Variants in ITM2A observed in about 807,000 individuals in gnomAD.
The protein encoded by ITM2A is BRICHOS domain containing 2A.
In ITM2A, 11 loss-of-function variants were observed where a neutral mutation model predicts 16.6. That is an observed-to-expected ratio of 0.66 (90% CI 0.42 to 1.10). The LOEUF (loss-of-function observed/expected upper bound fraction) is 1.10, where lower values mean the gene tolerates loss of function less well. ITM2A is among the 50% of genes least tolerant of loss of function. The pLI is 0.00. For synonymous variants in ITM2A, 102 were observed against 71.2 expected, an observed-to-expected ratio of 1.43 and a Z score of -2.18; for missense variants, 243 against 206.8, an observed-to-expected ratio of 1.17 and a Z score of -1.07.
Position 79,360,935 on chromosome X carries a change from A to T in ITM2A, c.*154T>A. The T allele has an allele frequency of 3.7e-6, 1 of 267,541 alleles. No individual in the cohort carries two copies. Among genetic ancestry groups the T allele is most frequent in the Non-Finnish European group, 6.2e-6 (1 of 161,769 alleles). 22.0% of individuals were successfully genotyped at this position (267,541 alleles called of 1,213,427 possible). A position where few individuals can be genotyped will look rare whatever the true frequency, so the allele number is the denominator to read the frequency against. On this transcript the variant is annotated 3_prime_UTR_variant, in exon 6 of 6. Transcript: ENST00000373298. Reference sequence around the variant, plus strand: ...AAACTAAAATTTGACAAGAGCTTGCAGTGGTTAGTAGTTTTTTTTTTTCCT... The same window carrying T: ...AAACTAAAATTTGACAAGAGCTTGCTGTGGTTAGTAGTTTTTTTTTTTCCT...
intron 1 of ITM2A, 147 bp downstream of exon 1, chrX:79,366,958 G>A (rs981596370): frequency 6.9e-6 from 3 of 434,716 alleles, no homozygotes; most frequent in African/African-American, 5.0e-5. Context: ...GGTGCCGCAA[G>A]GAGACAGAAC....
chrX:79,363,777 A>G (rs901334912), intron 1 of ITM2A, among the ~76,000 whole-genome samples: 1 of 112,002 alleles, frequency 8.9e-6, no homozygotes, highest in African/African-American at 3.2e-5. Context: ...TCTAAACCCA[A>G]ATATCGATAT....
Position 79,367,183 on chromosome X carries a change from G to T in ITM2A, c.33C>A (p.Ala11=). 2.5e-6 allele frequency: 3 copies of T among 1,208,459 alleles called. No homozygotes were observed. The highest frequency in any genetic ancestry group is 3.4e-6 in the Non-Finnish European group (3 of 893,611). ...CTTGCCGCGCCTCCTCCTTTTGCAC[G>T]GCGGTAGGGGTATTGAAGGCGATTT... MVKIAFNTPT[A]VQKEEARQDV... Residue 11 remains alanine, a synonymous_variant, in exon 1 of 6, where the codon GCC becomes GCA. Transcript: ENST00000373298.
Position 79,361,053 on chromosome X carries a change from A to G in ITM2A, c.*36T>C. On this transcript the variant is annotated 3_prime_UTR_variant, in exon 6 of 6. Coordinates refer to ENST00000373298, the MANE Select transcript of ITM2A (RefSeq NM_004867.5). ...GTTAAAGTCATATTGTAAATCTCTG[A>G]CTTCTTATTACCAAGGACACTCTAT... 1.2e-6 allele frequency: 1 copy of G among 850,698 alleles called. No individual in the cohort carries two copies. The allele number at this position is 850,698 out of a possible 1,213,427, so 70.1% of individuals were successfully genotyped here. A position where few individuals can be genotyped will look rare whatever the true frequency, so the allele number is the denominator to read the frequency against.
At chrX:79,363,653 T>A in intron 1 of ITM2A, 99 bp from the exon 2 acceptor site, 1 of 499,552 alleles carries the variant, frequency 2.0e-6, no homozygotes, top group Non-Finnish European at 3.0e-6. Flanking sequence ...ACCCAAGATA[T>A]TTTTTTAAAT....
In ITM2A at chrX:79,362,984, G is replaced by C. The variant is rs758783754; in HGVS notation, c.399C>G (p.Phe133Leu). 3 of 1,207,932 alleles carry C rather than the reference G, an allele frequency of 2.5e-6. No homozygotes were observed. In the East Asian group the frequency reaches 8.9e-5, roughly 36 times the overall value. ...IAIIDVPVPSFSDSDPAAIIH... is the reference protein window; with the variant it reads ...IAIIDVPVPSLSDSDPAAIIH... ...TAATTGCTGCAGGGTCACTATCAGA[G>C]AAACTGGGGACAGGCACATCAATGA... The change falls in exon 3 of 6, where the codon TTC (phenylalanine) becomes TTG (leucine). Residue 133 changes from phenylalanine to leucine, a missense_variant. Phe to Leu is a conservative substitution (Grantham distance 22). Coordinates refer to ENST00000373298, the MANE Select transcript of ITM2A (RefSeq NM_004867.5).
chrX:79,365,502 G>T (rs192559079), intron 1 of ITM2A, among the ~76,000 whole-genome samples: 65 of 111,311 alleles, frequency 5.8e-4, no homozygotes, highest in African/African-American at 1.7e-3. Flanking sequence ...ATAGTGGCCA[G>T]GTAAGGATCC....
intron 4 of ITM2A, 42 bp downstream of exon 4, chrX:79,362,539 T>C: frequency 1.4e-6 from 1 of 690,252 alleles, no homozygotes; most frequent in East Asian, 3.3e-5. Flanking sequence ...GTAAAATTAC[T>C]TGGAAATGCT....
Position 79,363,566 on chromosome X carries a change from A to C in ITM2A, c.112-12T>G. 3.4e-6 allele frequency: 4 copies of C among 1,160,276 alleles called. No individual in the cohort carries two copies. Among genetic ancestry groups the C allele is most frequent in the Non-Finnish European group, 4.6e-6 (4 of 869,106 alleles). Reference sequence around the variant, plus strand: ...GCAACTCGGAGCTCCTATTTATTAAAAAGCAAAACCAAAAACAAAACCAGA... The same window carrying C: ...GCAACTCGGAGCTCCTATTTATTAACAAGCAAAACCAAAAACAAAACCAGA... On this transcript the variant is annotated splice_polypyrimidine_tract_variant and intron_variant, in intron 1 of 5. Coordinates refer to ENST00000373298, the MANE Select transcript of ITM2A (RefSeq NM_004867.5).
rs1383253667 is a variant in ITM2A, at chrX:79,363,409, A to G, written c.243+14T>C. The G allele has an allele frequency of 9.4e-7, 1 of 1,064,940 alleles. No individual in the cohort carries two copies. The highest frequency in any genetic ancestry group is 1.2e-6 in the Non-Finnish European group (1 of 809,313). The allele number at this position is 1,064,940 out of a possible 1,213,427, so 87.8% of individuals were successfully genotyped here. ...AGTAATCCAAAGTATAATAATTATA[A>G]TTATTATTATTACCTTGGGCATGAA... On this transcript the variant is annotated intron_variant, in intron 2 of 5. Transcript: ENST00000373298.
chrX:79,361,204 G>A, intron 5 of ITM2A, 27 bp from the exon 6 acceptor site: 1 of 1,150,739 alleles, frequency 8.7e-7, no homozygotes, highest in Non-Finnish European at 1.2e-6. Flanking sequence ...AAAAAAAGTG[G>A]CTTTTGAAAT....
intron 1 of ITM2A, among the ~76,000 whole-genome samples, chrX:79,364,119 C>T (rs1053848068): frequency 1.8e-5 from 2 of 111,418 alleles, no homozygotes; most frequent in Non-Finnish European, 3.8e-5. Context: ...AATTTATTAA[C>T]TGATTTTTCA....
At position 79,362,705 on chromosome X, in the gene ITM2A, GA is replaced by G. The variant is rs770280828; in HGVS notation, c.442-15del. On this transcript the variant is annotated splice_polypyrimidine_tract_variant and intron_variant, in intron 3 of 5. Transcript: ENST00000373298. ...AGCAGTCATTCCCTGTTAGGTAGGGGAAAAAAGTCAGGTAAGACACAGAAGG... is the reference window on the plus strand; with the variant it reads ...AGCAGTCATTCCCTGTTAGGTAGGGGAAAAAGTCAGGTAAGACACAGAAGG... The G allele has an allele frequency of 1.8e-6, 2 of 1,122,642 alleles. No individual in the cohort carries two copies. Among genetic ancestry groups the G allele is most frequent in the East Asian group, 3.0e-5 (1 of 33,486 alleles). The allele number at this position is 1,122,642 out of a possible 1,213,427, so 92.5% of individuals were successfully genotyped here.
In ITM2A at chrX:79,360,945, A is replaced by AG. The variant is rs1925394022; in HGVS notation, c.*143dup. 2 of 231,799 alleles carry AG rather than the reference A, an allele frequency of 8.6e-6. No homozygotes were observed. The highest frequency in any genetic ancestry group is 1.4e-5 in the Non-Finnish European group (2 of 144,797). The allele number at this position is 231,799 out of a possible 1,213,427, so 19.1% of individuals were successfully genotyped here. The stretch of plus-strand genomic sequence containing the variant: ...TTGACAAGAGCTTGCAGTGGTTAGT[A>AG]GTTTTTTTTTTTCCTTTTTTTAAAG... On this transcript the variant is annotated 3_prime_UTR_variant, in exon 6 of 6. Coordinates refer to ENST00000373298, the MANE Select transcript of ITM2A (RefSeq NM_004867.5).
At chrX:79,363,344 C>A (rs3761590) in intron 2 of ITM2A, 79 bp downstream of exon 2, 133,071 of 879,214 alleles carry the variant, frequency 0.15, 7,899 homozygotes, top group South Asian at 0.34. Flanking sequence ...CTAGTCACCA[C>A]TACAGAATTT....
chrX:79,362,683 A>T lies in ITM2A; in HGVS notation c.450T>A (p.Thr150=), dbSNP rs1925463023. 8.4e-7 allele frequency: 1 copy of T among 1,191,085 alleles called. No individual in the cohort carries two copies. The highest frequency in any genetic ancestry group is 1.1e-6 in the Non-Finnish European group (1 of 879,204). ...TCCCCAGCAACAAGTCCAGGTAAGC[A>T]GTCATTCCCTGTTAGGTAGGGGAAA... The part of the protein sequence containing the change: ...AIIHDFEKGM[T]AYLDLLLGNC... The change falls in exon 4 of 6, where the codon ACT becomes ACA. Residue 150 remains threonine, a synonymous_variant. Coordinates refer to ENST00000373298, the MANE Select transcript of ITM2A (RefSeq NM_004867.5).
rs753422835 is a variant in ITM2A, at chrX:79,363,533, C to T, written c.133G>A (p.Glu45Lys). ...CATCTCCCAGAGGAGCCCTCTTTTT[C>T]CTGGGTGGCAACTCGGAGCTCCTAT... is the stretch of plus-strand genomic sequence containing the variant. ...TGKELRVATQ[E>K]KEGSSGRCML... is the part of the protein sequence containing the mutation. Residue 45 changes from glutamate to lysine, a missense_variant, in exon 2 of 6, where the codon GAA (glutamate) becomes AAA (lysine). Physicochemically the swap from Glu to Lys is moderately conservative, Grantham distance 56. Coordinates refer to ENST00000373298, the MANE Select transcript of ITM2A (RefSeq NM_004867.5). 8 of 1,183,886 alleles carry T rather than the reference C, an allele frequency of 6.8e-6. No homozygotes were observed. The highest frequency in any genetic ancestry group is 9.1e-6 in the Non-Finnish European group (8 of 881,340).
At chrX:79,362,452 A>G (rs1182467551) in intron 4 of ITM2A, 129 bp downstream of exon 4, 4 of 421,407 alleles carry the variant, frequency 9.5e-6, no homozygotes, top group African/African-American at 5.0e-5. Context: ...TAGGTTCACA[A>G]CGTTTTTTAT....
intron 1 of ITM2A, chrX:79,366,744 C>A (rs748665754): frequency 6.3e-6 from 1 of 158,784 alleles, no homozygotes; most frequent in Non-Finnish European, 1.2e-5. Flanking sequence ...ACTATGCGCG[C>A]CCCTGGAGGT....
Sources: gnomAD v4.1 joint callset for allele counts (sites outside exome capture counted in the v4.1 genomes callset) on GRCh38, gnomAD v4.1.1 for gene constraint, MANE v1.5 for transcripts, NCBI Gene and HGNC (gene_info 2026-07-23, HGNC 2026-07-21) for gene names.